The following TMEM177 variants were observed in gnomAD, a reference collection of about 807,000 sequenced individuals.
The protein encoded by TMEM177 is transmembrane protein 177.
In TMEM177, 4 loss-of-function variants were observed where a neutral mutation model predicts 14.2. The observed-to-expected ratio is 0.28, with a 90% CI of 0.14 to 0.64. TMEM177 has a LOEUF of 0.64. Among genes scored for constraint, TMEM177 ranks in the 30% least tolerant of loss-of-function variants. The pLI is 0.82. For synonymous variants in TMEM177, 179 were observed against 174.5 expected (o/e 1.03, Z -0.20); for missense variants, 344 against 405.2 (o/e 0.85, Z 1.30).
chr2:119,696,727 AATCCGG>A, the TMEM177 span, among the ~76,000 whole-genome samples: 1 of 152,174 alleles, frequency 6.6e-6, no homozygotes, highest in Non-Finnish European at 1.5e-5. Context: ...ACCAAGTGGA[AATCCGG>A]GGAAAGAGCA....
the TMEM177 span, among the ~76,000 whole-genome samples, chr2:119,706,198 G>GT: frequency 9.9e-5 from 15 of 151,910 alleles, no homozygotes; most frequent in South Asian, 2.5e-3. Context: ...TACTTTTTGT[G>GT]TTTTTTTAGT....
chr2:119,708,035 C>T, the TMEM177 span, among the ~76,000 whole-genome samples: 6 of 152,218 alleles, frequency 3.9e-5, no homozygotes, highest in Admixed American at 2.0e-4. Context: ...TGCTCTCCAG[C>T]GACAGCACTT....
chr2:119,713,603 C>A, the TMEM177 span, among the ~76,000 whole-genome samples: 1 of 152,212 alleles, frequency 6.6e-6, no homozygotes, highest in Admixed American at 6.5e-5. Flanking sequence ...ACTTTGGGAG[C>A]CCGAGGCAGG....
At chr2:119,721,815 C>G in the TMEM177 span, among the ~76,000 whole-genome samples, 1 of 152,150 alleles carries the variant, frequency 6.6e-6, no homozygotes, top group South Asian at 2.1e-4. Flanking sequence ...GATAGAAGAG[C>G]CTTTCCCCAA....
At chr2:119,708,984 AT>A in the TMEM177 span, among the ~76,000 whole-genome samples, 1 of 152,192 alleles carries the variant, frequency 6.6e-6, no homozygotes, top group Non-Finnish European at 1.5e-5. Context: ...CTGAGACTTG[AT>A]TTTTCTTTTT....
At chr2:119,722,309 G>T in the TMEM177 span, among the ~76,000 whole-genome samples, 4 of 151,942 alleles carry the variant, frequency 2.6e-5, no homozygotes, top group South Asian at 8.3e-4. Flanking sequence ...TTGAAAACAG[G>T]AGGTAAAGGC....
the TMEM177 span, among the ~76,000 whole-genome samples, chr2:119,706,670 G>A: frequency 1.3e-5 from 2 of 152,054 alleles, no homozygotes; most frequent in South Asian, 4.1e-4. Flanking sequence ...AGAAACAGTG[G>A]GTTAAATAAG....
chr2:119,706,323 G>T, the TMEM177 span, among the ~76,000 whole-genome samples: 4,123 of 152,202 alleles, frequency 0.027, 91 homozygotes, highest in African/African-American at 0.068. Flanking sequence ...ACAGCGCCTG[G>T]CCGAATTCTG....
At chr2:119,710,263 AG>A in the TMEM177 span, among the ~76,000 whole-genome samples, 3 of 152,204 alleles carry the variant, frequency 2.0e-5, no homozygotes, top group Non-Finnish European at 4.4e-5. Flanking sequence ...ATGAGATTCC[AG>A]GGGGAAATTC....
At chr2:119,696,337 G>T in the TMEM177 span, among the ~76,000 whole-genome samples, 1 of 152,196 alleles carries the variant, frequency 6.6e-6, no homozygotes, top group African/African-American at 2.4e-5. Context: ...CTGGGGAGAA[G>T]GTCTGTTGCT....
At chr2:119,694,216 A>AC in the TMEM177 span, among the ~76,000 whole-genome samples, 2 of 149,884 alleles carry the variant, frequency 1.3e-5, no homozygotes, top group African/African-American at 4.9e-5. Context: ...ACACAACACA[A>AC]ACACATACCA....
chr2:119,687,065 ATAT>A (rs202090201), downstream of TMEM177, among the ~76,000 whole-genome samples: 2,138 of 152,310 alleles, frequency 0.014, 22 homozygotes, highest in Non-Finnish European at 0.021. Flanking sequence ...TAGAATACAG[ATAT>A]ACATTGAGGG....
chr2:119,685,207 AG>A (rs1688991005), downstream of TMEM177, among the ~76,000 whole-genome samples: 1 of 29,968 alleles, frequency 3.3e-5, no homozygotes, highest in Admixed American at 4.6e-4. Flanking sequence ...CCCCCTCCTC[AG>A]CCCGCCCCCC....
At chr2:119,711,811 A>G in the TMEM177 span, among the ~76,000 whole-genome samples, 3 of 152,162 alleles carry the variant, frequency 2.0e-5, no homozygotes, top group Admixed American at 6.5e-5. Context: ...CCTTTCCAGA[A>G]GTCACCAGAA....
the TMEM177 span, among the ~76,000 whole-genome samples, chr2:119,698,180 G>T: frequency 6.6e-6 from 1 of 152,168 alleles, no homozygotes; most frequent in Non-Finnish European, 1.5e-5. Context: ...TGAAAAGTCT[G>T]CCTGGGTGTG....
chr2:119,720,167 A>T, the TMEM177 span, among the ~76,000 whole-genome samples: 1 of 152,144 alleles, frequency 6.6e-6, no homozygotes. Context: ...ATTTTAAATA[A>T]ACACAGGGTT....
the TMEM177 span, among the ~76,000 whole-genome samples, chr2:119,717,891 A>T: frequency 6.6e-6 from 1 of 152,050 alleles, no homozygotes; most frequent in African/African-American, 2.4e-5. Context: ...AAGTGCTGGG[A>T]TTATAGGCAT....
chr2:119,700,959 G>A, the TMEM177 span, among the ~76,000 whole-genome samples: 1 of 152,342 alleles, frequency 6.6e-6, no homozygotes, highest in East Asian at 1.9e-4. Flanking sequence ...GGAGGACGCT[G>A]TCCCTAAAAG....
chr2:119,679,409 C>G (rs964093553), intron 1 of TMEM177, 133 bp downstream of exon 1: 2 of 152,196 alleles, frequency 1.3e-5, no homozygotes, highest in African/African-American at 4.8e-5. Context: ...CTAGGCCCAC[C>G]CCGCAGCGCG....
Sources: allele counts gnomAD v4.1 joint callset (sites outside exome capture counted in the v4.1 genomes callset), GRCh38; gene constraint gnomAD v4.1.1; transcripts MANE v1.5; gene names NCBI Gene and HGNC (gene_info 2026-07-23, HGNC 2026-07-21).